Variants in PPP3CB observed in about 807,000 individuals in gnomAD.
The protein encoded by PPP3CB is protein phosphatase 3 catalytic subunit beta.
In PPP3CB, 8 loss-of-function variants were observed where a neutral mutation model predicts 66.4. The ratio of observed to expected loss-of-function variants is 0.12; its 90% CI spans 0.07 to 0.22. PPP3CB has a LOEUF of 0.22. PPP3CB is among the 10% of genes least tolerant of loss of function. PPP3CB has a pLI of 1.00. For missense variants in PPP3CB, 319 were observed against 642.5 expected (o/e 0.50, Z 5.44); for synonymous variants, 208 against 221.2 (o/e 0.94, Z 0.53).
chr10:73,441,291 C>T (rs904877396), intron 12 of PPP3CB, among the ~76,000 whole-genome samples: 3 of 152,098 alleles, frequency 2.0e-5, no homozygotes, highest in Non-Finnish European at 2.9e-5. Flanking sequence ...AGTTAATTTT[C>T]CTTAACTGTT....
intron 10 of PPP3CB, among the ~76,000 whole-genome samples, chr10:73,451,768 C>T (rs540383371): frequency 5.3e-5 from 7 of 131,378 alleles, no homozygotes; most frequent in African/African-American, 2.0e-4. Flanking sequence ...TTTTTTGAGA[C>T]GGAGTCTCCA....
chr10:73,442,687 G>A (rs2056168083), intron 12 of PPP3CB, among the ~76,000 whole-genome samples: 2 of 150,450 alleles, frequency 1.3e-5, no homozygotes, highest in East Asian at 3.9e-4. Context: ...TGGAGGGCAA[G>A]GAATGTAAAG....
intron 1 of PPP3CB, among the ~76,000 whole-genome samples, chr10:73,486,144 C>T (rs1282369324): frequency 6.6e-6 from 1 of 151,092 alleles, no homozygotes; most frequent in Non-Finnish European, 1.5e-5. Context: ...CGGGGTTTCA[C>T]CATGTTGGCC....
chr10:73,474,887 G>A lies in PPP3CB; in HGVS notation c.523+32C>T, dbSNP rs112752365. On this transcript the variant is annotated intron_variant, in intron 4 of 13. Coordinates refer to ENST00000360663, the MANE Select transcript of PPP3CB (RefSeq NM_021132.4). ...CACTTAAGTCCAAAAGAATACTGAG[G>A]AAGTGAAAACATTTCTTCTGGCAGT... 2.0e-4 allele frequency: 325 copies of A among 1,609,846 alleles called. 2 individuals carry two copies. In the African/African-American group the frequency reaches 3.7e-3, roughly 18 times the overall value.
At position 73,449,227 on chromosome 10, in the gene PPP3CB, C is replaced by T. The variant is rs572438271; in HGVS notation, c.1187-2654G>A. Among the ~76,000 whole-genome samples the T allele has an allele frequency of 2.0e-5, 3 of 152,172 alleles. No individual in the cohort carries two copies. In the East Asian group the frequency reaches 5.8e-4, roughly 29 times the overall value. On this transcript the variant is annotated intron_variant, in intron 10 of 13. Transcript: ENST00000360663. The stretch of plus-strand genomic sequence containing the variant: ...ACTGCCTCAGTAGAAAACCTCACCC[C>T]CTCCCAACGAAGGAAAAGCTAAACC...
chr10:73,485,481 G>A (rs1460698418), intron 1 of PPP3CB, among the ~76,000 whole-genome samples: 4 of 152,168 alleles, frequency 2.6e-5, no homozygotes, highest in African/African-American at 9.7e-5. Flanking sequence ...GGTACAGTCT[G>A]TGCCAAGTGA....
chr10:73,474,172 A>C (rs1490730189), intron 4 of PPP3CB, among the ~76,000 whole-genome samples: 1 of 151,858 alleles, frequency 6.6e-6, no homozygotes, highest in African/African-American at 2.4e-5. Context: ...CCTCCTGAGT[A>C]CCTGGGATTA....
At chr10:73,458,941 G>A (rs1169683310) in intron 9 of PPP3CB, among the ~76,000 whole-genome samples, 1 of 151,722 alleles carries the variant, frequency 6.6e-6, no homozygotes, top group East Asian at 1.9e-4. Flanking sequence ...GTGGTGGTGC[G>A]TGCCTGTAAT....
At chr10:73,447,449 A>G (rs2056275408) in intron 10 of PPP3CB, among the ~76,000 whole-genome samples, 1 of 152,350 alleles carries the variant, frequency 6.6e-6, no homozygotes, top group Non-Finnish European at 1.5e-5. Context: ...TATAGCAACT[A>G]GAATCACTCT....
At chr10:73,457,737 C>CAAA (rs200840556) in intron 9 of PPP3CB, among the ~76,000 whole-genome samples, 2 of 87,826 alleles carry the variant, frequency 2.3e-5, no homozygotes, top group South Asian at 3.3e-4. Flanking sequence ...GACCCTGTCT[C>CAAA]AAAAAAAAAA....
intron 9 of PPP3CB, among the ~76,000 whole-genome samples, chr10:73,454,716 G>C (rs2056396455): frequency 6.8e-6 from 1 of 146,130 alleles, no homozygotes; most frequent in Non-Finnish European, 1.5e-5. Context: ...AAATTTTCAG[G>C]CCTCTCAAAA....
intron 9 of PPP3CB, chr10:73,467,286 A>G (rs74487184): frequency 0.036 from 6,793 of 188,100 alleles, 442 homozygotes; most frequent in African/African-American, 0.14. Flanking sequence ...AAGCTAAAGA[A>G]AAAAAAAAAA....
chr10:73,446,743 A>G (rs1415090160), intron 10 of PPP3CB, among the ~76,000 whole-genome samples, 170 bp from the exon 11 acceptor site: 1 of 152,224 alleles, frequency 6.6e-6, no homozygotes, highest in African/African-American at 2.4e-5. Context: ...TGCTCTCTCA[A>G]TGTTTAGCTC....
At chr10:73,473,588 T>G (rs1250211648) in intron 4 of PPP3CB, among the ~76,000 whole-genome samples, 1 of 151,848 alleles carries the variant, frequency 6.6e-6, no homozygotes, top group Non-Finnish European at 1.5e-5. Flanking sequence ...CGGGAGGAGG[T>G]TGCTGTGAGC....
chr10:73,465,545 G>C (rs896931506), intron 9 of PPP3CB, among the ~76,000 whole-genome samples: 2 of 152,146 alleles, frequency 1.3e-5, no homozygotes, highest in African/African-American at 4.8e-5. Flanking sequence ...CTGTGTGACA[G>C]AGCGAGACTC....
Position 73,437,424 on chromosome 10 carries a change from C to T in PPP3CB, c.*818G>A, listed in dbSNP as rs532370134. ...AATGAAAACATGCATACACAAAATA[C>T]GTCAAGTTTTACAGACATGATTTGA... On this transcript the variant is annotated 3_prime_UTR_variant, in exon 14 of 14. Transcript: ENST00000360663. 6 of 152,670 alleles carry T rather than the reference C, an allele frequency of 3.9e-5. No individual in the cohort carries two copies. The East Asian group carries it at 9.6e-4, about 25-fold the overall frequency. The allele number at this position is 152,670 out of a possible 1,614,324, so 9.5% of individuals were successfully genotyped here. A position where few individuals can be genotyped will look rare whatever the true frequency, so the allele number is the denominator to read the frequency against.
At chr10:73,453,219 G>C (rs1312478795) in intron 10 of PPP3CB, among the ~76,000 whole-genome samples, 4 of 152,184 alleles carry the variant, frequency 2.6e-5, no homozygotes, top group Non-Finnish European at 2.9e-5. Context: ...CAATCTGGTA[G>C]TTCACAGCTA....
intron 12 of PPP3CB, chr10:73,443,963 A>G (rs1433266675): frequency 6.6e-6 from 1 of 152,282 alleles, no homozygotes; most frequent in African/African-American, 2.4e-5. Context: ...GCAAACCTCA[A>G]AACAAGGTGC....
intron 4 of PPP3CB, among the ~76,000 whole-genome samples, chr10:73,472,879 C>G (rs2056726227): frequency 6.6e-6 from 1 of 152,148 alleles, no homozygotes. Flanking sequence ...CATGCACTTT[C>G]ATTTGCTCCT....
Sources: gnomAD v4.1 joint callset for allele counts (sites outside exome capture counted in the v4.1 genomes callset) on GRCh38, gnomAD v4.1.1 for gene constraint, MANE v1.5 for transcripts, NCBI Gene and HGNC (gene_info 2026-07-23, HGNC 2026-07-21) for gene names.